Variants in ITGA1 observed in about 807,000 individuals in gnomAD.
The protein encoded by ITGA1 is integrin alpha-1.
A neutral mutation model predicts 145.9 loss-of-function variants in ITGA1; 85 were observed. The ratio of observed to expected loss-of-function variants is 0.58; its 90% CI spans 0.49 to 0.70. The LOEUF (loss-of-function observed/expected upper bound fraction) is 0.70, where lower values mean the gene tolerates loss of function less well. ITGA1 is among the 30% of genes least tolerant of loss of function. The pLI, the probability that ITGA1 is intolerant of heterozygous loss-of-function variation, is 0.00. For synonymous variants in ITGA1, 520 were observed against 495.3 expected, an observed-to-expected ratio of 1.05 and a Z score of -0.66; for missense variants, 1,351 against 1,418.7, an observed-to-expected ratio of 0.95 and a Z score of 0.77.
intron 1 of ITGA1, among the ~76,000 whole-genome samples, chr5:52,821,201 G>A (rs1036399635): frequency 2.6e-5 from 4 of 152,140 alleles, no homozygotes; most frequent in African/African-American, 7.2e-5. Context: ...CCATTCAATA[G>A]CATTAAGATT....
At chr5:52,868,303 GT>G (rs965240666) in intron 6 of ITGA1, among the ~76,000 whole-genome samples, 3 of 152,160 alleles carry the variant, frequency 2.0e-5, no homozygotes, top group African/African-American at 7.2e-5. Context: ...CATGTCTGAA[GT>G]TGGTCCACAA....
rs56996823 is a variant in ITGA1, at chr5:52,794,500, TACACAC to T, written c.61+6117_61+6122del. 3.3e-3 allele frequency among the ~76,000 whole-genome samples: 467 copies of T among 141,910 alleles called. 1 individual carries two copies. Among genetic ancestry groups the T allele is most frequent in the African/African-American group, 0.011 (426 of 38,256 alleles). The allele number at this position is 141,910 out of a possible 152,430, so 93.1% of individuals were successfully genotyped here. ...GTATAAGAATACATGCAAATAGAAA[TACACAC>T]ACACACACACACACACACACACACA... On this transcript the variant is annotated intron_variant, in intron 1 of 28. Coordinates refer to ENST00000282588, the MANE Select transcript of ITGA1 (RefSeq NM_181501.2).
intron 15 of ITGA1, among the ~76,000 whole-genome samples, chr5:52,917,253 G>A (rs1942181414): frequency 6.6e-6 from 1 of 152,160 alleles, no homozygotes; most frequent in South Asian, 2.1e-4. Context: ...CAGGAAACTA[G>A]GCATGTTCAT....
At position 52,893,778 on chromosome 5, in the gene ITGA1, C is replaced by T. The variant is rs770042042; in HGVS notation, c.1028C>T (p.Ser343Phe). The change falls in exon 9 of 29, where the codon TCT (serine) becomes TTT (phenylalanine). Residue 343 changes from serine to phenylalanine, a missense_variant. Physicochemically the swap from Ser to Phe is radical, Grantham distance 155. Transcript: ENST00000282588. ...ACTGAAAAGCATTTCTTCAATGTCT[C>T]TGATGAATTGGCTCTAGTCACCATT... ...EPTEKHFFNV[S>F]DELALVTIVK... 2 of 1,612,754 alleles carry T rather than the reference C, an allele frequency of 1.2e-6. No individual in the cohort carries two copies. Among genetic ancestry groups the T allele is most frequent in the Non-Finnish European group, 1.7e-6 (2 of 1,178,998 alleles).
chr5:52,902,568 CT>C (rs982517777), intron 11 of ITGA1: 31 of 145,878 alleles, frequency 2.1e-4, no homozygotes, highest in African/African-American at 7.6e-4. Flanking sequence ...CCTTTTTTTC[CT>C]CTTTTTTTTT....
intron 12 of ITGA1, among the ~76,000 whole-genome samples, chr5:52,908,372 T>G (rs1750443693): frequency 6.6e-6 from 1 of 152,218 alleles, no homozygotes; most frequent in South Asian, 2.1e-4. Flanking sequence ...ATGATACCCC[T>G]GCAATCCTTC....
At chr5:52,814,555 G>C (rs2406217) in intron 1 of ITGA1, among the ~76,000 whole-genome samples, 86,596 of 151,942 alleles carry the variant, frequency 0.57, 25,182 homozygotes, top group African/African-American at 0.66. Context: ...TATAAATTAC[G>C]TAATCATATA....
Position 52,875,284 on chromosome 5 carries a change from C to CA in ITGA1, c.625-6577dup, listed in dbSNP as rs1218766244. 8.0e-3 allele frequency among the ~76,000 whole-genome samples: 1,087 copies of CA among 136,088 alleles called. 8 individuals carry two copies. The highest frequency in any genetic ancestry group is 0.025 in the African/African-American group (915 of 37,168). The allele number at this position is 136,088 out of a possible 152,430, so 89.3% of individuals were successfully genotyped here. ...ACATACAAAGGGATGCTAGTATTCC[C>CA]AAAAAAAAAAAAGTGAGTGGATATT... is the stretch of plus-strand genomic sequence containing the variant. On this transcript the variant is annotated intron_variant, in intron 6 of 28. Transcript: ENST00000282588.
rs1749663176 is a variant in ITGA1 at position 52,865,040 on chromosome 5, A to G, written c.454A>G (p.Ser152Gly). Residue 152 changes from serine to glycine, a missense_variant, in exon 5 of 29, where the codon AGC becomes GGC. Coordinates refer to ENST00000282588, the MANE Select transcript of ITGA1 (RefSeq NM_181501.2). Reference protein sequence around the residue: ...HYTTGICSDVSPTFQVVNSIA... With the variant: ...HYTTGICSDVGPTFQVVNSIA... ...CACAACTGGAATCTGTTCTGACGTC[A>G]GCCCCACATTTCAAGTCGTGAATTC... is the stretch of plus-strand genomic sequence containing the variant. 1 of 1,613,760 alleles carries G rather than the reference A, an allele frequency of 6.2e-7. No homozygotes were observed. Among genetic ancestry groups the G allele is most frequent in the Non-Finnish European group, 8.5e-7 (1 of 1,179,862 alleles).
intron 3 of ITGA1, among the ~76,000 whole-genome samples, chr5:52,861,943 C>T (rs965023914): frequency 3.3e-5 from 5 of 150,960 alleles, no homozygotes; most frequent in Admixed American, 2.0e-4. Context: ...TTGGGCTGGG[C>T]GCAGTGTCTC....
At chr5:52,804,391 C>T (rs935455153) in intron 1 of ITGA1, among the ~76,000 whole-genome samples, 2 of 152,166 alleles carry the variant, frequency 1.3e-5, no homozygotes, top group African/African-American at 4.8e-5. Context: ...CAAATGACAG[C>T]TACTCCTGGT....
At chr5:52,913,105 C>T (rs1394212752) in intron 14 of ITGA1, among the ~76,000 whole-genome samples, 1 of 151,812 alleles carries the variant, frequency 6.6e-6, no homozygotes, top group African/African-American at 2.4e-5. Flanking sequence ...TTTTCCATAT[C>T]TCCAGGATTT....
chr5:52,793,383 TTC>T (rs1421445783), intron 1 of ITGA1, among the ~76,000 whole-genome samples: 2 of 152,056 alleles, frequency 1.3e-5, no homozygotes, highest in African/African-American at 4.8e-5. Context: ...CCTGAAATAT[TTC>T]TGTCTATCCA....
At chr5:52,948,698 G>A (rs1232753486) in intron 28 of ITGA1, 1 of 152,186 alleles carries the variant, frequency 6.6e-6, no homozygotes, top group African/African-American at 2.4e-5. Flanking sequence ...CCCAAGGCCT[G>A]GCTTATTGGT....
At chr5:52,805,826 A>G (rs995303378) in intron 1 of ITGA1, among the ~76,000 whole-genome samples, 2 of 152,040 alleles carry the variant, frequency 1.3e-5, no homozygotes, top group African/African-American at 4.8e-5. Context: ...TTCCGTGAGG[A>G]ACCACAAGAG....
At chr5:52,940,454 G>C (rs1561255596) in intron 26 of ITGA1, among the ~76,000 whole-genome samples, 1 of 149,598 alleles carries the variant, frequency 6.7e-6, no homozygotes, top group Non-Finnish European at 1.5e-5. Flanking sequence ...TGTCGCCCAG[G>C]CTGGAGTGCA....
chr5:52,907,009 C>A (rs1314944325), intron 12 of ITGA1, among the ~76,000 whole-genome samples: 2 of 152,172 alleles, frequency 1.3e-5, no homozygotes, highest in Non-Finnish European at 2.9e-5. Flanking sequence ...TCTGGGAAGT[C>A]AAAAATATGT....
chr5:52,797,705 G>A (rs1271463655), intron 1 of ITGA1, among the ~76,000 whole-genome samples: 1 of 152,108 alleles, frequency 6.6e-6, no homozygotes, highest in East Asian at 1.9e-4. Flanking sequence ...GAGAGGGTAT[G>A]GAGTTATGCA....
chr5:52,849,587 G>A, intron 2 of ITGA1, 102 bp downstream of exon 2: 1 of 1,056,582 alleles, frequency 9.5e-7, no homozygotes, highest in Non-Finnish European at 1.3e-6. Flanking sequence ...TTAACAGAAT[G>A]AATTATTTAT....
Sources: allele counts gnomAD v4.1 joint callset (sites outside exome capture counted in the v4.1 genomes callset), GRCh38; gene constraint gnomAD v4.1.1; transcripts MANE v1.5; gene names NCBI Gene and HGNC (gene_info 2026-07-23, HGNC 2026-07-21).